Variants in SLCO2A1 observed in about 807,000 individuals in gnomAD.
The protein encoded by SLCO2A1 is solute carrier organic anion transporter family member 2A1, also known as matrin F/G 1.
In SLCO2A1, 60 loss-of-function variants were observed where a neutral mutation model predicts 71.7. The observed-to-expected ratio is 0.84, with a 90% confidence interval of 0.68 to 1.04. The LOEUF is 1.04. Among genes scored for constraint, SLCO2A1 ranks in the 50% least tolerant of loss-of-function variants. The pLI is 0.00. For synonymous variants in SLCO2A1, 308 were observed against 326.7 expected, an observed-to-expected ratio of 0.94 and a Z score of 0.62; for missense variants, 745 against 813.4, an observed-to-expected ratio of 0.92 and a Z score of 1.02.
At position 134,025,941 on chromosome 3, in the gene SLCO2A1, A is replaced by T. The variant is rs576356228; in HGVS notation, c.96+3766T>A. ...AGTACCAGAAATTCCAGGAAAAACA[A>T]GAAATTTGTTTTTGCAATTAGCTGA... is the stretch of plus-strand genomic sequence containing the variant. On this transcript the variant is annotated intron_variant, in intron 1 of 13. Coordinates refer to ENST00000310926, the MANE Select transcript of SLCO2A1 (RefSeq NM_005630.3). Among the ~76,000 whole-genome samples the T allele has an allele frequency of 2.0e-5, 3 of 152,326 alleles. No homozygotes were observed. The East Asian group carries it at 5.8e-4, about 29-fold the overall frequency.
chr3:134,012,070 A>G (rs1487691415), intron 1 of SLCO2A1, among the ~76,000 whole-genome samples: 1 of 152,176 alleles, frequency 6.6e-6, no homozygotes, highest in Non-Finnish European at 1.5e-5. Context: ...GGCTCCTGTC[A>G]GTGACCAGAA....
At chr3:133,993,526 T>A (rs1458070834) in intron 1 of SLCO2A1, among the ~76,000 whole-genome samples, 1 of 152,180 alleles carries the variant, frequency 6.6e-6, no homozygotes, top group Non-Finnish European at 1.5e-5. Context: ...TGAGACAAGA[T>A]GAATTTTCCA....
intron 1 of SLCO2A1, among the ~76,000 whole-genome samples, chr3:134,016,970 T>C (rs903018168): frequency 1.1e-4 from 17 of 152,212 alleles, no homozygotes; most frequent in African/African-American, 4.1e-4. Flanking sequence ...TTATATAACA[T>C]TGTCAAAGTG....
chr3:134,005,003 C>T (rs1576455952), intron 1 of SLCO2A1, among the ~76,000 whole-genome samples: 1 of 152,258 alleles, frequency 6.6e-6, no homozygotes, highest in South Asian at 2.1e-4. Context: ...TTCTAGTTGC[C>T]AAGCATGACT....
At chr3:134,024,578 G>T (rs1935659358) in intron 1 of SLCO2A1, among the ~76,000 whole-genome samples, 1 of 152,182 alleles carries the variant, frequency 6.6e-6, no homozygotes, top group Non-Finnish European at 1.5e-5. Context: ...AGACTGTGGG[G>T]CTCTGGCCAA....
intron 8 of SLCO2A1, 108 bp downstream of exon 8, chr3:133,948,428 C>T (rs2108042116): frequency 4.3e-6 from 5 of 1,166,502 alleles, no homozygotes; most frequent in South Asian, 1.6e-5. Flanking sequence ...TCCTCCGGAC[C>T]CTGCCTATGT....
chr3:134,004,123 T>C (rs944596254), intron 1 of SLCO2A1, among the ~76,000 whole-genome samples: 4 of 93,528 alleles, frequency 4.3e-5, no homozygotes, highest in Non-Finnish European at 7.6e-5. Context: ...TGTGTGTGTG[T>C]GTGTGTGTGT....
At position 133,945,265 on chromosome 3, in the gene SLCO2A1, C is replaced by T. The variant is rs1933543468; in HGVS notation, c.1296-5G>A. ...GGATGTATAGAACTTGATGTGCTGC[C>T]AGCAAAAGAGGAAACGGGGAATCAA... is the stretch of plus-strand genomic sequence containing the variant. On this transcript the variant is annotated splice_polypyrimidine_tract_variant and splice_region_variant and intron_variant, in intron 9 of 13. Transcript: ENST00000310926. The T allele has an allele frequency of 1.3e-6, 2 of 1,597,636 alleles. No individual in the cohort carries two copies. Among genetic ancestry groups the T allele is most frequent in the South Asian group, 2.3e-5 (2 of 88,030 alleles).
intron 1 of SLCO2A1, among the ~76,000 whole-genome samples, chr3:134,011,079 G>A (rs746922148): frequency 1.1e-4 from 16 of 151,928 alleles, no homozygotes; most frequent in East Asian, 1.9e-4. Flanking sequence ...ATGGAGTCTC[G>A]CTCTGCTGTT....
chr3:133,968,427 GGATCCC>G (rs1240178272), intron 3 of SLCO2A1, among the ~76,000 whole-genome samples: 3 of 152,138 alleles, frequency 2.0e-5, no homozygotes, highest in African/African-American at 7.2e-5. Context: ...AGTTCACTCA[GGATCCC>G]GAGGCTCCCC....
intron 1 of SLCO2A1, among the ~76,000 whole-genome samples, chr3:133,990,648 C>T (rs1263211850): frequency 1.3e-5 from 2 of 152,166 alleles, no homozygotes; most frequent in Non-Finnish European, 2.9e-5. Flanking sequence ...TGGGTGTATG[C>T]CCATCTCCAC....
At chr3:133,990,117 G>C (rs1934806938) in intron 1 of SLCO2A1, among the ~76,000 whole-genome samples, 1 of 152,224 alleles carries the variant, frequency 6.6e-6, no homozygotes, top group Non-Finnish European at 1.5e-5. Flanking sequence ...TGCCTCTCCG[G>C]GCTGTGCCAA....
chr3:133,971,904 C>A (rs1180907748), intron 3 of SLCO2A1, among the ~76,000 whole-genome samples: 1 of 152,056 alleles, frequency 6.6e-6, no homozygotes, highest in Admixed American at 6.5e-5. Context: ...AATGCCAAAC[C>A]ACTCTGTAGG....
intron 3 of SLCO2A1, among the ~76,000 whole-genome samples, chr3:133,959,846 T>C (rs985110508): frequency 2.0e-5 from 3 of 150,962 alleles, no homozygotes; most frequent in Non-Finnish European, 2.9e-5. Flanking sequence ...ATGGGCCGGG[T>C]GCGGTGGCTC....
chr3:134,003,189 A>T (rs1935137768), intron 1 of SLCO2A1, among the ~76,000 whole-genome samples: 1 of 152,246 alleles, frequency 6.6e-6, no homozygotes, highest in African/African-American at 2.4e-5. Flanking sequence ...GAATGAAATC[A>T]TCAATAAGCA....
chr3:134,009,338 C>A (rs1391906583), intron 1 of SLCO2A1, among the ~76,000 whole-genome samples: 2 of 152,196 alleles, frequency 1.3e-5, no homozygotes, highest in African/African-American at 4.8e-5. Flanking sequence ...GCCTTCTTTA[C>A]TTAACATTAG....
intron 3 of SLCO2A1, among the ~76,000 whole-genome samples, chr3:133,968,980 T>G (rs1934259900): frequency 6.6e-6 from 1 of 152,250 alleles, no homozygotes; most frequent in Admixed American, 6.5e-5. Flanking sequence ...TGTTTAGCCC[T>G]TCTTTAACTT....
intron 1 of SLCO2A1, among the ~76,000 whole-genome samples, chr3:133,998,086 GA>G (rs1935016560): frequency 6.6e-6 from 1 of 152,162 alleles, no homozygotes. Flanking sequence ...CAGGCTCCAG[GA>G]GGTGCACAGC....
At chr3:133,997,885 T>G (rs1474224314) in intron 1 of SLCO2A1, among the ~76,000 whole-genome samples, 2 of 152,252 alleles carry the variant, frequency 1.3e-5, no homozygotes, top group Admixed American at 1.3e-4. Flanking sequence ...ACACTATTTA[T>G]GTTAAGCTTC....
Sources: allele counts gnomAD v4.1 joint callset (sites outside exome capture counted in the v4.1 genomes callset), GRCh38; gene constraint gnomAD v4.1.1; transcripts MANE v1.5; gene names NCBI Gene and HGNC (gene_info 2026-07-23, HGNC 2026-07-21).